The following ELMO1 variants were observed in gnomAD, a reference collection of about 807,000 sequenced individuals.
ELMO1 encodes engulfment and cell motility protein 1.
ELMO1 carries 26 observed loss-of-function variants against 98.9 expected under a neutral mutation model. The observed-to-expected ratio is 0.26, with a 90% CI of 0.19 to 0.36. ELMO1 has a LOEUF of 0.36. Among genes scored for constraint, ELMO1 ranks in the 10% least tolerant of loss-of-function variants. The probability of loss-of-function intolerance (pLI) is 1.00; values close to 1 mark genes in which losing one functional copy is unlikely to be tolerated. For synonymous variants in ELMO1, 346 were observed against 346.0 expected, an observed-to-expected ratio of 1.00 and a Z score of 0.00; for missense variants, 627 against 935.2, an observed-to-expected ratio of 0.67 and a Z score of 4.30.
chr7:37,076,898 T>G (rs1797612391), intron 15 of ELMO1, among the ~76,000 whole-genome samples: 1 of 152,272 alleles, frequency 6.6e-6, no homozygotes, highest in Non-Finnish European at 1.5e-5. Flanking sequence ...TATCTGGCAC[T>G]GCGGCTAAGA....
intron 13 of ELMO1, among the ~76,000 whole-genome samples, chr7:37,203,826 T>G (rs1396520968): frequency 6.6e-6 from 1 of 152,054 alleles, no homozygotes; most frequent in Non-Finnish European, 1.5e-5. Flanking sequence ...ACCAACTTGT[T>G]GTTGGGATCC....
chr7:37,336,418 T>C (rs1199212136), intron 2 of ELMO1, among the ~76,000 whole-genome samples: 1 of 152,088 alleles, frequency 6.6e-6, no homozygotes, highest in Non-Finnish European at 1.5e-5. Flanking sequence ...ATGAAACTAG[T>C]GGTTAGCTGG....
intron 18 of ELMO1, among the ~76,000 whole-genome samples, chr7:36,883,736 C>T (rs1300424228): frequency 6.6e-6 from 1 of 152,126 alleles, no homozygotes; most frequent in African/African-American, 2.4e-5. Context: ...GTACAGCCTA[C>T]AGAACCGTGA....
chr7:37,072,723 C>A (rs772927102), intron 15 of ELMO1, among the ~76,000 whole-genome samples: 2 of 152,162 alleles, frequency 1.3e-5, no homozygotes, highest in African/African-American at 2.4e-5. Context: ...CTAGGAGGAG[C>A]CTGCAGTGAG....
At chr7:37,141,821 C>G (rs1452048972) in intron 13 of ELMO1, among the ~76,000 whole-genome samples, 2 of 151,992 alleles carry the variant, frequency 1.3e-5, no homozygotes, top group African/African-American at 4.8e-5. Context: ...TCAAACAACC[C>G]ACACTTTTCT....
At chr7:37,171,955 T>TA (rs1458158095) in intron 13 of ELMO1, among the ~76,000 whole-genome samples, 1 of 152,184 alleles carries the variant, frequency 6.6e-6, no homozygotes, top group African/African-American at 2.4e-5. Context: ...AATTTTGTAC[T>TA]ATTATCTGTT....
In ELMO1 at chr7:37,214,137, C is replaced by T. The variant is rs955766119; in HGVS notation, c.832-680G>A. Among the ~76,000 whole-genome samples, 6 of 152,164 alleles carry T rather than the reference C, an allele frequency of 3.9e-5. No homozygotes were observed. In the East Asian group the frequency reaches 9.6e-4, roughly 24 times the overall value. ...ACAGGAAGACTGGATAGGTCCACCC[C>T]CAATCCCCTCACCCCTGCCCAGAAA... On this transcript the variant is annotated intron_variant, in intron 11 of 21. Transcript: ENST00000310758.
At chr7:37,232,067 G>A (rs948675406) in intron 8 of ELMO1, among the ~76,000 whole-genome samples, 1 of 152,030 alleles carries the variant, frequency 6.6e-6, no homozygotes, top group Non-Finnish European at 1.5e-5. Context: ...TGGTCAAGCT[G>A]GTCTTGAACT....
intron 13 of ELMO1, among the ~76,000 whole-genome samples, chr7:37,146,241 T>C (rs1283430996): frequency 6.6e-6 from 1 of 152,200 alleles, no homozygotes; most frequent in East Asian, 1.9e-4. Context: ...AAACCCCAGG[T>C]TGCTGGGCCC....
chr7:36,907,907 A>G (rs1784076639), intron 16 of ELMO1, among the ~76,000 whole-genome samples: 1 of 152,136 alleles, frequency 6.6e-6, no homozygotes, highest in African/African-American at 2.4e-5. Flanking sequence ...TCCATCTCCT[A>G]TGTTGGTGGG....
At chr7:37,391,680 C>T (rs1803084459) in intron 1 of ELMO1, among the ~76,000 whole-genome samples, 1 of 152,180 alleles carries the variant, frequency 6.6e-6, no homozygotes, top group African/African-American at 2.4e-5. Context: ...CAGTTGGGGG[C>T]CGACTTGCAT....
At chr7:37,152,248 G>T (rs941202337) in intron 13 of ELMO1, among the ~76,000 whole-genome samples, 1 of 152,186 alleles carries the variant, frequency 6.6e-6, no homozygotes, top group African/African-American at 2.4e-5. Flanking sequence ...CTGGATGATA[G>T]GAGGTGGCTG....
At chr7:37,150,708 T>C (rs1458879478) in intron 13 of ELMO1, among the ~76,000 whole-genome samples, 1 of 152,220 alleles carries the variant, frequency 6.6e-6, no homozygotes, top group East Asian at 1.9e-4. Flanking sequence ...TATGTATTTT[T>C]TGAATGCATT....
intron 7 of ELMO1, 142 bp downstream of exon 7, chr7:37,244,214 A>G: frequency 1.1e-6 from 1 of 924,802 alleles, no homozygotes; most frequent in Non-Finnish European, 1.6e-6. Context: ...AAAGAACATC[A>G]AATAGAAAAC....
At chr7:37,384,337 A>T (rs1802703604) in intron 1 of ELMO1, among the ~76,000 whole-genome samples, 1 of 152,232 alleles carries the variant, frequency 6.6e-6, no homozygotes, top group African/African-American at 2.4e-5. Context: ...AGATGCAATA[A>T]AAAGTGCAAA....
intron 1 of ELMO1, among the ~76,000 whole-genome samples, chr7:37,350,353 C>T (rs2724015): frequency 1.4e-4 from 22 of 152,264 alleles, no homozygotes; most frequent in Non-Finnish European, 2.6e-4. Context: ...CTATTAGCTA[C>T]GGTTGGCTTG....
At chr7:37,291,226 G>A (rs1014559148) in intron 4 of ELMO1, among the ~76,000 whole-genome samples, 1 of 152,116 alleles carries the variant, frequency 6.6e-6, no homozygotes, top group Non-Finnish European at 1.5e-5. Flanking sequence ...AAAATAGATT[G>A]ATGACCTATA....
chr7:37,165,137 C>G (rs191529787), intron 13 of ELMO1, among the ~76,000 whole-genome samples: 2 of 151,830 alleles, frequency 1.3e-5, no homozygotes, highest in East Asian at 3.9e-4. Context: ...GCTCTCTGTT[C>G]GTCTGTTATT....
rs549480081 is a variant in ELMO1 at position 37,327,489 on chromosome 7, A to G, written c.79-11529T>C. Among the ~76,000 whole-genome samples the G allele has an allele frequency of 4.6e-5, 7 of 152,366 alleles. No individual in the cohort carries two copies. In the South Asian group the frequency reaches 1.2e-3, roughly 27 times the overall value. On this transcript the variant is annotated intron_variant, in intron 2 of 21. Coordinates refer to ENST00000310758, the MANE Select transcript of ELMO1 (RefSeq NM_014800.11). ...TCAGGCTCAATTTCCACACAGGACT[A>G]TGAAGGTTTATCAATGGCAAGGAAC...
Sources: gnomAD v4.1 joint callset for allele counts (sites outside exome capture counted in the v4.1 genomes callset) on GRCh38, gnomAD v4.1.1 for gene constraint, MANE v1.5 for transcripts, NCBI Gene and HGNC (gene_info 2026-07-23, HGNC 2026-07-21) for gene names.